PCYT1B: variants seen among roughly 807,000 people sequenced by gnomAD.
PCYT1B encodes the protein phosphate cytidylyltransferase 1B, choline.
Under a neutral mutation model 26.4 loss-of-function variants are expected in PCYT1B, and 10 were observed. The ratio of observed to expected loss-of-function variants is 0.38; its 90% CI spans 0.23 to 0.64. PCYT1B has a LOEUF of 0.64. Ranked by LOEUF, PCYT1B falls within the 30% of genes least tolerant of loss-of-function variation. The pLI, the probability that PCYT1B is intolerant of heterozygous loss-of-function variation, is 0.56. For missense variants in PCYT1B, 161 were observed against 292.7 expected (o/e 0.55, Z 3.28); for synonymous variants, 131 against 108.4 (o/e 1.21, Z -1.29).
At chrX:24,660,865 A>G (rs1354684676) in intron 1 of PCYT1B, among the ~76,000 whole-genome samples, 2 of 111,210 alleles carry the variant, frequency 1.8e-5, no homozygotes, top group African/African-American at 3.3e-5. Context: ...GGTCTGGATA[A>G]CAACCTCATT....
intron 1 of PCYT1B, among the ~76,000 whole-genome samples, chrX:24,627,776 G>C (rs1419000162): frequency 8.9e-6 from 1 of 111,754 alleles, no homozygotes; most frequent in Non-Finnish European, 1.9e-5. Flanking sequence ...GATCGCAGCG[G>C]AGGTGGTAAG....
Position 24,561,812 on chromosome X carries a change from T to C in PCYT1B, c.*481A>G, listed in dbSNP as rs1458630271. ...GAGGAGGTTGGAATCTGTCTTTTTC[T>C]CGACTATTTCAGAAGCACTTTGCCA... On this transcript the variant is annotated 3_prime_UTR_variant, in exon 8 of 8. Coordinates refer to ENST00000379144, the MANE Select transcript of PCYT1B (RefSeq NM_004845.5). The C allele has an allele frequency of 2.7e-6, 1 of 365,485 alleles. No individual in the cohort carries two copies. Among genetic ancestry groups the C allele is most frequent in the Non-Finnish European group, 4.8e-6 (1 of 208,579 alleles). The allele number at this position is 365,485 out of a possible 1,213,427, so 30.1% of individuals were successfully genotyped here.
chrX:24,575,874 G>A (rs2148224982), intron 6 of PCYT1B, among the ~76,000 whole-genome samples: 1 of 112,419 alleles, frequency 8.9e-6, no homozygotes, highest in South Asian at 3.7e-4. Context: ...GATTTCCTTG[G>A]TGGTGATGAA....
intron 2 of PCYT1B, among the ~76,000 whole-genome samples, chrX:24,618,679 G>A (rs891881746): frequency 3.7e-5 from 4 of 108,296 alleles, no homozygotes; most frequent in Admixed American, 1.0e-4. Context: ...GTGCAGTGGC[G>A]CAATCTCGGC....
At chrX:24,589,502 AC>A (rs1317861385) in intron 4 of PCYT1B, among the ~76,000 whole-genome samples, 1 of 111,952 alleles carries the variant, frequency 8.9e-6, no homozygotes, top group Non-Finnish European at 1.9e-5. Context: ...TTAAAGGCTG[AC>A]CTGTGACTTT....
rs1392785135 is a variant in PCYT1B, at chrX:24,640,422, C to T, written c.117+6567G>A. Reference sequence around the variant, plus strand: ...TTTCATGATCCTTCTTCTATTGGCCCTTTAAGTAGTCTTTCTTAGGGTTCC... The same window carrying T: ...TTTCATGATCCTTCTTCTATTGGCCTTTTAAGTAGTCTTTCTTAGGGTTCC... On this transcript the variant is annotated intron_variant, in intron 1 of 7. Transcript: ENST00000379144. Among the ~76,000 whole-genome samples, 25 of 112,021 alleles carry T rather than the reference C, an allele frequency of 2.2e-4. No homozygotes were observed. In the Admixed American group the frequency reaches 2.4e-3, roughly 11 times the overall value.
intron 1 of PCYT1B, among the ~76,000 whole-genome samples, chrX:24,628,337 AT>A (rs1925946006): frequency 8.9e-6 from 1 of 111,754 alleles, no homozygotes; most frequent in African/African-American, 3.3e-5. Flanking sequence ...TACCTGGCAT[AT>A]AGAAGGTCCT....
At chrX:24,577,516 C>T (rs1415329673) in intron 6 of PCYT1B, among the ~76,000 whole-genome samples, 2 of 111,680 alleles carry the variant, frequency 1.8e-5, no homozygotes, top group Non-Finnish European at 3.8e-5. Flanking sequence ...TGTTCAGCCA[C>T]TTGTTCCAGT....
At chrX:24,616,029 T>C (rs1925478067) in intron 2 of PCYT1B, among the ~76,000 whole-genome samples, 1 of 111,178 alleles carries the variant, frequency 9.0e-6, no homozygotes, top group African/African-American at 3.3e-5. Flanking sequence ...TTGTCTCCTC[T>C]TTAGAAAGGA....
chrX:24,606,053 C>CAAA (rs35072094), intron 3 of PCYT1B, among the ~76,000 whole-genome samples: 13 of 52,358 alleles, frequency 2.5e-4, no homozygotes, highest in Admixed American at 5.2e-4. Context: ...GACTCCATCT[C>CAAA]AAAAAAAAAA....
rs1555955586 is a variant in PCYT1B, at chrX:24,572,262, G to GCA, written c.897+2867_897+2868insTG. 7.5e-4 allele frequency among the ~76,000 whole-genome samples: 48 copies of GCA among 64,096 alleles called. 1 individual carries two copies. The East Asian group carries it at 0.025, about 33-fold the overall frequency. The allele number at this position is 64,096 out of a possible 115,157, so 55.7% of individuals were successfully genotyped here. ...TCTATCTGTCTACATACACACACGC[G>GCA]CGCGCACACACACACACACACACAC... On this transcript the variant is annotated intron_variant, in intron 7 of 7. Transcript: ENST00000379144.
intron 7 of PCYT1B, among the ~76,000 whole-genome samples, chrX:24,565,526 G>C (rs894675866): frequency 1.8e-5 from 2 of 110,012 alleles, no homozygotes; most frequent in African/African-American, 6.6e-5. Flanking sequence ...AGCATGCTAA[G>C]TAAGGAGTAC....
rs142681961 is a variant in PCYT1B at position 24,672,299 on chromosome X, C to T, written c.63+271G>A. 1.3e-3 allele frequency among the ~76,000 whole-genome samples: 148 copies of T among 112,250 alleles called. 1 individual carries two copies. The highest frequency in any genetic ancestry group is 4.6e-3 in the Middle Eastern group (1 of 218). On this transcript the variant is annotated intron_variant, in intron 1 of 7. Transcript: ENST00000379145. ...AGGCTCCCATAGCATATTGATCTGA[C>T]CTTTTTTTTAGTAAGCAAATTTGTT...
chrX:24,630,344 G>A (rs757535475), intron 1 of PCYT1B, among the ~76,000 whole-genome samples: 2 of 111,646 alleles, frequency 1.8e-5, no homozygotes, highest in South Asian at 7.5e-4. Context: ...CACCCAGGCT[G>A]GAGTGCAGTG....
rs768268080 is a variant in PCYT1B at position 24,573,133 on chromosome X, TACACAC to T, written c.897+1991_897+1996del. 9.3e-3 allele frequency among the ~76,000 whole-genome samples: 869 copies of T among 93,069 alleles called. 11 individuals carry two copies. The highest frequency in any genetic ancestry group is 0.032 in the African/African-American group (792 of 25,025). 80.8% of individuals were successfully genotyped at this position (93,069 alleles called of 115,157 possible). A position where few individuals can be genotyped will look rare whatever the true frequency, so the allele number is the denominator to read the frequency against. On this transcript the variant is annotated intron_variant, in intron 7 of 7. Coordinates refer to ENST00000379144, the MANE Select transcript of PCYT1B (RefSeq NM_004845.5). The stretch of plus-strand genomic sequence containing the variant: ...ATATACCCACACATATACACACACA[TACACAC>T]ACACACACACACACACACACACACA...
rs1210557225 is a variant in PCYT1B at position 24,559,463 on chromosome X, G to GAA, written c.*2829_*2830insTT. On this transcript the variant is annotated 3_prime_UTR_variant, in exon 8 of 8. Coordinates refer to ENST00000379144, the MANE Select transcript of PCYT1B (RefSeq NM_004845.5). ...AGAAAGAGAGAGAGAGAGAAAGAAA[G>GAA]AGAAAGAAAGTAAAAGAAAGAAAGA... 18 of 104,713 alleles carry GAA rather than the reference G, an allele frequency of 1.7e-4. No individual in the cohort carries two copies. Among genetic ancestry groups the GAA allele is most frequent in the Admixed American group, 5.2e-4 (5 of 9,704 alleles). The allele number at this position is 104,713 out of a possible 1,213,427, so 8.6% of individuals were successfully genotyped here. A position where few individuals can be genotyped will look rare whatever the true frequency, so the allele number is the denominator to read the frequency against.
chrX:24,567,295 G>T (rs1164658348), intron 7 of PCYT1B, among the ~76,000 whole-genome samples: 1 of 111,774 alleles, frequency 8.9e-6, no homozygotes, highest in Middle Eastern at 4.6e-3. Flanking sequence ...ATAAACAACG[G>T]TGTCGCACTT....
At chrX:24,605,916 T>C (rs991752337) in intron 3 of PCYT1B, among the ~76,000 whole-genome samples, 1 of 109,073 alleles carries the variant, frequency 9.2e-6, no homozygotes. Flanking sequence ...TAGCCCGGCA[T>C]GGTGGCACGC....
chrX:24,666,124 C>T lies in PCYT1B; in HGVS notation c.63+6446G>A, dbSNP rs1927122657. 3.6e-5 allele frequency among the ~76,000 whole-genome samples: 4 copies of T among 111,304 alleles called. No homozygotes were observed. The Admixed American group carries it at 3.8e-4, about 11-fold the overall frequency. On this transcript the variant is annotated intron_variant, in intron 1 of 7. Coordinates refer to the PCYT1B transcript ENST00000379145. ...GGAGTTGGTCCATCCAACATTGATC[C>T]ATGTCTCACTCAAAATCTGGGTTGA...
Sources: gnomAD v4.1 joint callset for allele counts (sites outside exome capture counted in the v4.1 genomes callset) on GRCh38, gnomAD v4.1.1 for gene constraint, MANE v1.5 for transcripts, NCBI Gene and HGNC (gene_info 2026-07-23, HGNC 2026-07-21) for gene names.